The following MKNK2 variants were observed in gnomAD, a reference collection of about 807,000 sequenced individuals.
MKNK2 encodes MAPK interacting serine/threonine kinase 2, also known as MAP kinase-interacting serine/threonine-protein kinase 2.
In MKNK2, 54 loss-of-function variants were observed where a neutral mutation model predicts 55.0. That is an observed-to-expected ratio of 0.98 (90% CI 0.79 to 1.23). The LOEUF (loss-of-function observed/expected upper bound fraction) is 1.23, where lower values mean the gene tolerates loss of function less well. Ranked by LOEUF, MKNK2 falls within the 50% of genes most tolerant of loss-of-function variation. The pLI, the probability that MKNK2 is intolerant of heterozygous loss-of-function variation, is 0.00. For synonymous variants in MKNK2, 323 were observed against 256.0 expected (o/e 1.26, Z -2.50); for missense variants, 685 against 632.1 (o/e 1.08, Z -0.90).
intron 2 of MKNK2, 65 bp downstream of exon 2, chr19:2,050,736 G>GC: frequency 2.1e-6 from 3 of 1,448,546 alleles, no homozygotes; most frequent in Non-Finnish European, 1.9e-6. Context: ...CGGGCCCCGC[G>GC]CCCCCCACGC....
At position 2,039,025 on chromosome 19, in the gene MKNK2, G is replaced by A. The variant is rs1202847531; in HGVS notation, c.*588C>T. ...GTGAAGGGCTGGGGGATCCCATGGG[G>A]TGGGTGGGTGAGCTGCCTGCCACCT... On this transcript the variant is annotated 3_prime_UTR_variant, in exon 14 of 14. Transcript: ENST00000250896. 1.0e-5 allele frequency: 10 copies of A among 986,050 alleles called. No individual in the cohort carries two copies. Among genetic ancestry groups the A allele is most frequent in the Non-Finnish European group, 1.2e-5 (10 of 830,224 alleles). 61.1% of individuals were successfully genotyped at this position (986,050 alleles called of 1,614,324 possible). A position where few individuals can be genotyped will look rare whatever the true frequency, so the allele number is the denominator to read the frequency against.
In MKNK2 at chr19:2,039,559, C is replaced by T; in HGVS notation, c.*54G>A. 2 of 1,556,504 alleles carry T rather than the reference C, an allele frequency of 1.3e-6. No individual in the cohort carries two copies. Among genetic ancestry groups the T allele is most frequent in the Admixed American group, 1.8e-5 (1 of 55,836 alleles). On this transcript the variant is annotated 3_prime_UTR_variant, in exon 14 of 14. Transcript: ENST00000250896. The stretch of plus-strand genomic sequence containing the variant: ...ACCGGCTGGCGATAGCTTAAAAAAC[C>T]TTTAGATTTGATTGGGGGACGGGTG...
chr19:2,042,814 C>A lies in MKNK2; in HGVS notation c.550G>T (p.Val184Leu). The change falls in exon 8 of 14, where the codon GTG becomes TTG. Residue 184 changes from valine to leucine, a missense_variant. Physicochemically the swap from Val to Leu is conservative, Grantham distance 32. Coordinates refer to ENST00000250896, the MANE Select transcript of MKNK2 (RefSeq NM_199054.3). ...RRHFNELEASVVVQDVASALD... is the reference protein window; with the variant it reads ...RRHFNELEASLVVQDVASALD... ...GCGCTGGCCACGTCCTGCACCACCA[C>A]GCTGGCCTCCAGCTCGTTGAAGTGC... The A allele has an allele frequency of 1.3e-6, 2 of 1,581,216 alleles. No homozygotes were observed. The highest frequency in any genetic ancestry group is 1.7e-6 in the Non-Finnish European group (2 of 1,163,022).
chr19:2,050,919 C>G lies in MKNK2; in HGVS notation c.-68G>C. On this transcript the variant is annotated 5_prime_UTR_variant, in exon 2 of 14. Coordinates refer to ENST00000250896, the MANE Select transcript of MKNK2 (RefSeq NM_199054.3). ...CGGGGGGAGGCCCGAGGGCGGGCGG[C>G]CGGGCGGGGGGCGGCCGAGGAGGGG... 4 of 1,228,420 alleles carry G rather than the reference C, an allele frequency of 3.3e-6. No individual in the cohort carries two copies. The South Asian group carries it at 5.8e-5, about 18-fold the overall frequency. The allele number at this position is 1,228,420 out of a possible 1,614,324, so 76.1% of individuals were successfully genotyped here. A position where few individuals can be genotyped will look rare whatever the true frequency, so the allele number is the denominator to read the frequency against.
intron 1 of MKNK2, 47 bp downstream of exon 1, chr19:2,051,049 C>T: frequency 2.8e-6 from 1 of 353,460 alleles, no homozygotes; most frequent in Non-Finnish European, 5.0e-6. Flanking sequence ...GCCCGTTTCC[C>T]GCTACCGGGT....
At chr19:2,042,063 G>A in intron 10 of MKNK2, 29 bp from the exon 11 acceptor site, 1 of 1,459,262 alleles carries the variant, frequency 6.9e-7, no homozygotes, top group Non-Finnish European at 9.1e-7. Context: ...CGCGTCAGCC[G>A]GGGTTTCCCA....
At chr19:2,047,932 C>T (rs1314275078) in intron 2 of MKNK2, among the ~76,000 whole-genome samples, 3 of 152,112 alleles carry the variant, frequency 2.0e-5, no homozygotes, top group African/African-American at 7.2e-5. Context: ...CAGCTCTGTG[C>T]ACCTACGCCC....
At chr19:2,043,365 C>G in intron 6 of MKNK2, 138 bp downstream of exon 6, 1 of 1,028,104 alleles carries the variant, frequency 9.7e-7, no homozygotes, top group East Asian at 2.5e-5. Context: ...TGTCAGCCAG[C>G]CTGCTTCAGG....
rs957090295 is a variant in MKNK2, at chr19:2,037,922, G to A, written c.*1691C>T. ...CTATGGGCGCCTGCAGCGGGCGGGG[G>A]TCCATTTGCTTGTTCTTTGATACAA... On this transcript the variant is annotated 3_prime_UTR_variant, in exon 14 of 14. Coordinates refer to ENST00000250896, the MANE Select transcript of MKNK2 (RefSeq NM_199054.3). 1.2e-5 allele frequency: 17 copies of A among 1,394,286 alleles called. No homozygotes were observed. The highest frequency in any genetic ancestry group is 1.5e-5 in the Non-Finnish European group (16 of 1,058,506). 86.4% of individuals were successfully genotyped at this position (1,394,286 alleles called of 1,614,324 possible).
Position 2,037,654 on chromosome 19 carries a change from T to TA in MKNK2, c.*1958dup. Reference sequence around the variant, plus strand: ...AGGTTTTTTTTTTTTTTTTGTCTTTTAAAAACATCGTAACATTAACACATG... The same window carrying TA: ...AGGTTTTTTTTTTTTTTTTGTCTTTTAAAAAACATCGTAACATTAACACATG... On this transcript the variant is annotated 3_prime_UTR_variant, in exon 14 of 14. Transcript: ENST00000250896. The TA allele has an allele frequency of 3.0e-6, 3 of 1,001,892 alleles. No individual in the cohort carries two copies. The highest frequency in any genetic ancestry group is 3.1e-5 in the South Asian group (1 of 32,040). The allele number at this position is 1,001,892 out of a possible 1,614,324, so 62.1% of individuals were successfully genotyped here.
intron 9 of MKNK2, 39 bp from the exon 10 acceptor site, chr19:2,042,561 C>T (rs767628631): frequency 2.0e-5 from 31 of 1,576,670 alleles, no homozygotes; most frequent in Non-Finnish European, 2.6e-5. Context: ...TGGGGTCCCA[C>T]GCGGTCCACC....
chr19:2,046,127 A>AC, intron 5 of MKNK2, 59 bp downstream of exon 5: 1 of 1,518,126 alleles, frequency 6.6e-7, no homozygotes, highest in South Asian at 1.1e-5. Context: ...CACTGTTTCC[A>AC]CCCCCGCTCA....
chr19:2,042,388 C>G (rs2016908156), intron 10 of MKNK2, 39 bp downstream of exon 10: 2 of 1,529,214 alleles, frequency 1.3e-6, no homozygotes, highest in Non-Finnish European at 1.8e-6. Context: ...AACCGCAGAG[C>G]AGGCGGCCGA....
intron 2 of MKNK2, among the ~76,000 whole-genome samples, chr19:2,049,311 G>A (rs1236717993): frequency 1.3e-5 from 2 of 152,352 alleles, no homozygotes; most frequent in Middle Eastern, 3.4e-3. Context: ...CCTGCTGGAG[G>A]CAAGGAGAGT....
chr19:2,040,971 C>A, intron 12 of MKNK2, 69 bp downstream of exon 12: 1 of 1,494,856 alleles, frequency 6.7e-7, no homozygotes, highest in South Asian at 1.1e-5. Context: ...CAGGGCTTCC[C>A]ATGCTCGCTC....
rs897794055 is a variant in MKNK2, at chr19:2,038,341, G to A, written c.*1272C>T. The A allele has an allele frequency of 6.4e-5, 63 of 986,492 alleles. No individual in the cohort carries two copies. The Admixed American group carries it at 9.1e-4, about 14-fold the overall frequency. The allele number at this position is 986,492 out of a possible 1,614,324, so 61.1% of individuals were successfully genotyped here. The stretch of plus-strand genomic sequence containing the variant: ...AGGGGCTGCCCCAGCTGTGGAGCTC[G>A]GGGGCTGCGCCGGGAAGGGCGGGCG... On this transcript the variant is annotated 3_prime_UTR_variant, in exon 14 of 14. Coordinates refer to ENST00000250896, the MANE Select transcript of MKNK2 (RefSeq NM_199054.3).
At chr19:2,044,416 C>T (rs967296495) in intron 5 of MKNK2, among the ~76,000 whole-genome samples, 1 of 152,248 alleles carries the variant, frequency 6.6e-6, no homozygotes, top group African/African-American at 2.4e-5. Context: ...CTACTGCCCC[C>T]AGCAGCTCCA....
chr19:2,048,959 T>C (rs1471659264), intron 2 of MKNK2, among the ~76,000 whole-genome samples: 1 of 152,158 alleles, frequency 6.6e-6, no homozygotes, highest in African/African-American at 2.4e-5. Flanking sequence ...GACCTCACCC[T>C]GGGGTCTGTC....
At chr19:2,048,913 G>A (rs1395229411) in intron 2 of MKNK2, among the ~76,000 whole-genome samples, 1 of 152,186 alleles carries the variant, frequency 6.6e-6, no homozygotes, top group Non-Finnish European at 1.5e-5. Context: ...TCTAAGGCCA[G>A]ACTGGAGTTC....
Sources: allele counts gnomAD v4.1 joint callset (sites outside exome capture counted in the v4.1 genomes callset), GRCh38; gene constraint gnomAD v4.1.1; transcripts MANE v1.5; gene names NCBI Gene and HGNC (gene_info 2026-07-23, HGNC 2026-07-21).